The following WWC2 variants were observed in gnomAD, a reference collection of about 807,000 sequenced individuals.
The protein encoded by WWC2 is protein WWC2.
Under a neutral mutation model 138.5 loss-of-function variants are expected in WWC2, and 101 were observed. The observed-to-expected ratio is 0.73, with a 90% CI of 0.62 to 0.86. The LOEUF (loss-of-function observed/expected upper bound fraction) is 0.86, where lower values mean the gene tolerates loss of function less well. WWC2 is among the 40% of genes least tolerant of loss of function. The pLI is 0.00. For missense variants in WWC2, 1,420 were observed against 1,419.4 expected (o/e 1.00, Z -0.01); for synonymous variants, 558 against 538.4 (o/e 1.04, Z -0.50).
Position 183,282,561 on chromosome 4 carries a change from C to T in WWC2, c.2685-147C>T. On this transcript the variant is annotated intron_variant, in intron 17 of 22. Transcript: ENST00000403733. ...GAAGAGAGGATTTTTTTAAATGAGA[C>T]ATTTAGTTAAAAACCCCAGCCAAAG... 8 of 754,932 alleles carry T rather than the reference C, an allele frequency of 1.1e-5. No individual in the cohort carries two copies. The South Asian group carries it at 1.5e-4, about 14-fold the overall frequency. The allele number at this position is 754,932 out of a possible 1,614,324, so 46.8% of individuals were successfully genotyped here. A position where few individuals can be genotyped will look rare whatever the true frequency, so the allele number is the denominator to read the frequency against.
intron 1 of WWC2, among the ~76,000 whole-genome samples, chr4:183,187,574 A>ATAATAG (rs1553966207): frequency 6.9e-6 from 1 of 144,428 alleles, no homozygotes; most frequent in African/African-American, 2.5e-5. Context: ...AATAATAATA[A>ATAATAG]TAATAATAAT....
intron 1 of WWC2, among the ~76,000 whole-genome samples, chr4:183,130,254 G>A (rs761487861): frequency 7.2e-5 from 11 of 151,964 alleles, no homozygotes; most frequent in Non-Finnish European, 1.0e-4. Context: ...GGGTTTCATC[G>A]TGTTAGCCAG....
At chr4:183,305,184 T>C (rs1407922142) in intron 21 of WWC2, among the ~76,000 whole-genome samples, 1 of 151,990 alleles carries the variant, frequency 6.6e-6, no homozygotes, top group African/African-American at 2.4e-5. Context: ...CTTGAGGATA[T>C]GTCAATAGAA....
intron 22 of WWC2, among the ~76,000 whole-genome samples, chr4:183,314,112 A>C (rs1305333253): frequency 6.6e-6 from 1 of 152,100 alleles, no homozygotes; most frequent in African/African-American, 2.4e-5. Context: ...ACCGTGTGGC[A>C]GCAGCAGTGT....
intron 21 of WWC2, among the ~76,000 whole-genome samples, chr4:183,305,825 G>A (rs992869464): frequency 5.9e-5 from 9 of 152,110 alleles, no homozygotes; most frequent in African/African-American, 2.2e-4. Flanking sequence ...AACAAAGGAA[G>A]AGCATTGAAA....
At chr4:183,250,212 G>A (rs1736936105) in intron 8 of WWC2, among the ~76,000 whole-genome samples, 1 of 129,320 alleles carries the variant, frequency 7.7e-6, no homozygotes, top group Admixed American at 9.9e-5. Context: ...GGGAGAATTA[G>A]TGAGAAGTAT....
Position 183,260,924 on chromosome 4 carries a change from C to T in WWC2, c.1301C>T (p.Thr434Ile). The part of the protein sequence containing the change: ...HSQLKSLSAS[T>I]LSMSSGSSLG... ...TTGTCTTTCAGCCTCTCTGCCAGCACCCTGTCCATGTCATCTGGGAGCAGC... is the reference window on the plus strand; with the variant it reads ...TTGTCTTTCAGCCTCTCTGCCAGCATCCTGTCCATGTCATCTGGGAGCAGC... Residue 434 changes from threonine (T) to isoleucine (I), a missense_variant, in exon 11 of 23, where the codon ACC (threonine) becomes ATC (isoleucine). Coordinates refer to ENST00000403733, the MANE Select transcript of WWC2 (RefSeq NM_024949.6). 6.2e-7 allele frequency: 1 copy of T among 1,613,746 alleles called. No individual in the cohort carries two copies. Among genetic ancestry groups the T allele is most frequent in the Non-Finnish European group, 8.5e-7 (1 of 1,179,844 alleles).
rs1737608588 is a variant in WWC2, at chr4:183,269,083, A to G, written c.2320A>G (p.Ile774Val). The change falls in exon 15 of 23, where the codon ATT becomes GTT. Residue 774 changes from isoleucine (I) to valine (V), a missense_variant. Coordinates refer to ENST00000403733, the MANE Select transcript of WWC2 (RefSeq NM_024949.6). ...ILFNDVFRVA[I>V]SQTALQQKTL... is the part of the protein sequence containing the mutation. ...ATTCAATGATGTGTTCAGAGTCGCC[A>G]TTTCCCAAACAGCCTTACAACAGAA... The G allele has an allele frequency of 1.2e-6, 2 of 1,613,910 alleles. No individual in the cohort carries two copies. The highest frequency in any genetic ancestry group is 1.6e-4 in the Middle Eastern group (1 of 6,062).
At chr4:183,257,101 T>C (rs928607581) in intron 9 of WWC2, among the ~76,000 whole-genome samples, 1 of 152,216 alleles carries the variant, frequency 6.6e-6, no homozygotes, top group Non-Finnish European at 1.5e-5. Context: ...CATGCAGTTA[T>C]TGAAATTCCT....
chr4:183,228,666 C>T (rs939896287), intron 4 of WWC2, among the ~76,000 whole-genome samples: 5 of 152,014 alleles, frequency 3.3e-5, no homozygotes, highest in Admixed American at 1.3e-4. Flanking sequence ...ATCCAAAAGA[C>T]GAACAATATG....
intron 20 of WWC2, among the ~76,000 whole-genome samples, chr4:183,288,379 T>C (rs1193053438): frequency 3.9e-5 from 6 of 152,200 alleles, no homozygotes; most frequent in Non-Finnish European, 8.8e-5. Flanking sequence ...ACAGTTCTTA[T>C]TAGTGATCAC....
Position 183,253,890 on chromosome 4 carries a change from C to T in WWC2, c.1087C>T (p.Pro363Ser). 3 of 1,613,774 alleles carry T rather than the reference C, an allele frequency of 1.9e-6. No homozygotes were observed. The highest frequency in any genetic ancestry group is 1.3e-5 in the African/African-American group (1 of 75,004). ...TTTGAAAGAGCTTCAGTTCGTCACC[C>T]CACAGAAACGTACCCAAGATGAATT... Reference protein sequence around the residue: ...ELLKELQFVTPQKRTQDELER... With the variant: ...ELLKELQFVTSQKRTQDELER... Residue 363 changes from proline (P) to serine (S), a missense_variant, in exon 9 of 23, where the codon CCA becomes TCA. Transcript: ENST00000403733.
At chr4:183,303,440 T>C (rs941186459) in intron 21 of WWC2, among the ~76,000 whole-genome samples, 4 of 152,178 alleles carry the variant, frequency 2.6e-5, no homozygotes, top group Non-Finnish European at 5.9e-5. Flanking sequence ...GGCAGCCTCT[T>C]AGCATACCTA....
At chr4:183,201,558 A>G (rs1302696556) in intron 2 of WWC2, among the ~76,000 whole-genome samples, 1 of 152,148 alleles carries the variant, frequency 6.6e-6, no homozygotes, top group African/African-American at 2.4e-5. Flanking sequence ...GCCAGGTTAA[A>G]CACCCACAGA....
At chr4:183,315,560 G>A in intron 22 of WWC2, 103 bp from the exon 23 acceptor site, 1 of 794,362 alleles carries the variant, frequency 1.3e-6, no homozygotes, top group Non-Finnish European at 2.0e-6. Flanking sequence ...ACCTGTGCTT[G>A]CAGAGACATC....
chr4:183,249,891 G>C, intron 7 of WWC2, 29 bp from the exon 8 acceptor site: 1 of 1,587,152 alleles, frequency 6.3e-7, no homozygotes, highest in Non-Finnish European at 8.6e-7. Context: ...AGAGTTAATT[G>C]ACTTTTTTCC....
chr4:183,153,301 A>G (rs1427449744), intron 1 of WWC2, among the ~76,000 whole-genome samples: 3 of 152,160 alleles, frequency 2.0e-5, no homozygotes, highest in Non-Finnish European at 4.4e-5. Flanking sequence ...TAAATACCTT[A>G]TCTGAGATTA....
At chr4:183,161,024 A>G (rs1733948200) in intron 1 of WWC2, among the ~76,000 whole-genome samples, 1 of 152,090 alleles carries the variant, frequency 6.6e-6, no homozygotes, top group African/African-American at 2.4e-5. Context: ...TCTGTCTGAG[A>G]ATCCTAGAGC....
At chr4:183,124,187 A>G (rs1363461665) in intron 1 of WWC2, among the ~76,000 whole-genome samples, 1 of 152,200 alleles carries the variant, frequency 6.6e-6, no homozygotes, top group Admixed American at 6.5e-5. Flanking sequence ...GGGTATCTAT[A>G]TGGCTGATTT....
Sources: gnomAD v4.1 joint callset for allele counts (sites outside exome capture counted in the v4.1 genomes callset) on GRCh38, gnomAD v4.1.1 for gene constraint, MANE v1.5 for transcripts, NCBI Gene and HGNC (gene_info 2026-07-23, HGNC 2026-07-21) for gene names.